SLC28A1: variants seen among roughly 807,000 people sequenced by gnomAD.
SLC28A1 encodes solute carrier family 28 member 1, also known as sodium/nucleoside cotransporter 1.
SLC28A1 carries 64 observed loss-of-function variants against 74.8 expected under a neutral mutation model. The ratio of observed to expected loss-of-function variants is 0.86; its 90% CI spans 0.70 to 1.05. The LOEUF (loss-of-function observed/expected upper bound fraction) is 1.05. Among genes scored for constraint, SLC28A1 ranks in the 50% least tolerant of loss-of-function variants. The probability of loss-of-function intolerance (pLI) is 0.00; values close to 1 mark genes in which losing one functional copy is unlikely to be tolerated. For missense variants in SLC28A1, 828 were observed against 822.8 expected (o/e 1.01, Z -0.08); for synonymous variants, 359 against 335.0 (o/e 1.07, Z -0.78).
At chr15:84,885,300 T>G (rs1182215472) in intron 1 of SLC28A1, among the ~76,000 whole-genome samples, 1 of 151,422 alleles carries the variant, frequency 6.6e-6, no homozygotes, top group Non-Finnish European at 1.5e-5. Context: ...CTGTGGCTAG[T>G]TTTCAATCAA....
chr15:84,932,760 A>G (rs7177615), intron 12 of SLC28A1, among the ~76,000 whole-genome samples: 5,115 of 152,350 alleles, frequency 0.034, 286 homozygotes, highest in African/African-American at 0.12. Flanking sequence ...TTAGTGGTCA[A>G]CAGTGACAGC....
At chr15:84,939,181 G>A (rs1431787032) in intron 15 of SLC28A1, among the ~76,000 whole-genome samples, 1 of 152,170 alleles carries the variant, frequency 6.6e-6, no homozygotes, top group Non-Finnish European at 1.5e-5. Context: ...TTAGCCAGGT[G>A]TAGTGGTGCA....
chr15:84,899,943 G>C (rs1966442875), intron 6 of SLC28A1, among the ~76,000 whole-genome samples: 1 of 60,194 alleles, frequency 1.7e-5, no homozygotes, highest in African/African-American at 6.0e-5. Context: ...AAGAAAGAAA[G>C]GAAGGAAGGA....
chr15:84,953,769 G>A, the SLC28A1 span, among the ~76,000 whole-genome samples: 3 of 152,130 alleles, frequency 2.0e-5, no homozygotes, highest in South Asian at 4.1e-4. Flanking sequence ...AAGTACTGGA[G>A]TTTATGAATG....
At chr15:84,943,601 G>A in intron 16 of SLC28A1, 75 bp downstream of exon 16, 3 of 1,158,344 alleles carry the variant, frequency 2.6e-6, no homozygotes, top group East Asian at 2.3e-5. Flanking sequence ...GTAGGCCTCA[G>A]TTGTCTCATT....
chr15:84,948,635 G>T (rs2079312472), downstream of SLC28A1, among the ~76,000 whole-genome samples: 1 of 152,156 alleles, frequency 6.6e-6, no homozygotes, highest in Admixed American at 6.5e-5. Context: ...CAGTTGTTCT[G>T]CTTTTCCTTG....
intron 15 of SLC28A1, 53 bp from the exon 16 acceptor site, chr15:84,943,392 G>C: frequency 7.7e-7 from 1 of 1,305,260 alleles, no homozygotes; most frequent in East Asian, 2.3e-5. Context: ...TTATAGGGGT[G>C]CCCCAGGCCC....
At position 84,943,621 on chromosome 15, in the gene SLC28A1, C is replaced by G. The variant is rs1006872494; in HGVS notation, c.1663+95C>G. On this transcript the variant is annotated intron_variant, in intron 16 of 18. Coordinates refer to ENST00000394573, the MANE Select transcript of SLC28A1 (RefSeq NM_004213.5). ...CCTCAGTTGTCTCATTTGTCTAAAG[C>G]AGGACCCAAACAAGATGGCCATAGA... 8 of 1,009,496 alleles carry G rather than the reference C, an allele frequency of 7.9e-6. 1 individual carries two copies. Among genetic ancestry groups the G allele is most frequent in the Admixed American group, 5.4e-5 (3 of 55,500 alleles). 62.5% of individuals were successfully genotyped at this position (1,009,496 alleles called of 1,614,324 possible). A position where few individuals can be genotyped will look rare whatever the true frequency, so the allele number is the denominator to read the frequency against.
intron 2 of SLC28A1, 36 bp from the exon 3 acceptor site, chr15:84,887,709 C>T (rs2141616435): frequency 6.2e-7 from 1 of 1,601,170 alleles, no homozygotes; most frequent in African/African-American, 1.3e-5. Context: ...CCCGGCCTCC[C>T]TTTCAGCGTT....
the SLC28A1 span, among the ~76,000 whole-genome samples, chr15:84,965,375 C>T: frequency 1.3e-5 from 2 of 152,318 alleles, no homozygotes; most frequent in African/African-American, 4.8e-5. Flanking sequence ...TTCTTCATAG[C>T]AGTATGAGAA....
intron 4 of SLC28A1, 111 bp from the exon 5 acceptor site, chr15:84,890,332 G>T (rs1467681728): frequency 1.3e-6 from 1 of 786,108 alleles, no homozygotes; most frequent in Admixed American, 2.0e-5. Context: ...GCAAGCCCTG[G>T]CTTGCCCCTG....
chr15:84,951,849 C>T, the SLC28A1 span, among the ~76,000 whole-genome samples: 26 of 152,140 alleles, frequency 1.7e-4, no homozygotes, highest in Admixed American at 3.3e-4. Context: ...TGATACATAT[C>T]CGAGGGGAAG....
At chr15:84,919,728 G>A (rs1969570878) in intron 10 of SLC28A1, among the ~76,000 whole-genome samples, 1 of 152,164 alleles carries the variant, frequency 6.6e-6, no homozygotes, top group Admixed American at 6.6e-5. Flanking sequence ...GAGCCTTCAT[G>A]CCCTAATCAC....
Position 84,935,049 on chromosome 15 carries a change from C to T in SLC28A1, c.1238C>T (p.Ala413Val), listed in dbSNP as rs759169249. ...AGAGATGCTCAGAACCTCATAGAAG[C>T]AGCCAGCACTGGGGCCGCCATCTCC... ...TYGDAQNLIEAASTGAAISVK... is the reference protein window; with the variant it reads ...TYGDAQNLIEVASTGAAISVK... The change falls in exon 14 of 19, where the codon GCA (alanine) becomes GTA (valine). Residue 413 changes from alanine to valine, a missense_variant. Ala to Val is a moderately conservative substitution (Grantham distance 64, BLOSUM62 0). Transcript: ENST00000394573. The T allele has an allele frequency of 6.2e-7, 1 of 1,614,104 alleles. No individual in the cohort carries two copies. The highest frequency in any genetic ancestry group is 8.5e-7 in the Non-Finnish European group (1 of 1,179,934).
At chr15:84,905,481 G>A (rs763036174) in intron 7 of SLC28A1, 58 bp from the exon 8 acceptor site, 27 of 1,225,630 alleles carry the variant, frequency 2.2e-5, no homozygotes, top group Admixed American at 3.4e-5. Context: ...ACCCCCACCC[G>A]GCTCCCTGCC....
the SLC28A1 span, among the ~76,000 whole-genome samples, chr15:84,964,626 C>A: frequency 6.6e-6 from 1 of 152,164 alleles, no homozygotes; most frequent in African/African-American, 2.4e-5. Flanking sequence ...TACCAGGGAC[C>A]CTGGCTCTTG....
chr15:84,952,006 T>C, the SLC28A1 span, among the ~76,000 whole-genome samples: 2 of 152,010 alleles, frequency 1.3e-5, no homozygotes, highest in East Asian at 3.9e-4. Flanking sequence ...TCGGCAGAGG[T>C]CCATGTGCTG....
intron 8 of SLC28A1, among the ~76,000 whole-genome samples, chr15:84,908,178 CTT>C (rs71135328): frequency 2.2e-5 from 2 of 91,358 alleles, no homozygotes; most frequent in African/African-American, 4.8e-5. Context: ...CAGAGCATTT[CTT>C]TTTTTTTTTT....
intron 1 of SLC28A1, chr15:84,886,206 A>G (rs938014631): frequency 1.0e-6 from 1 of 985,248 alleles, no homozygotes; most frequent in Non-Finnish European, 1.2e-6. Context: ...GACCTGAAAC[A>G]CTTTTACTAT....
Sources: allele counts gnomAD v4.1 joint callset (sites outside exome capture counted in the v4.1 genomes callset), GRCh38; gene constraint gnomAD v4.1.1; transcripts MANE v1.5; gene names NCBI Gene and HGNC (gene_info 2026-07-23, HGNC 2026-07-21).